The following PRSS22 variants were observed in gnomAD, a reference collection of about 807,000 sequenced individuals.
The protein encoded by PRSS22 is brain-specific serine protease 4.
Under a neutral mutation model 28.0 loss-of-function variants are expected in PRSS22, and 26 were observed. That is an observed-to-expected ratio of 0.93 (90% CI 0.68 to 1.29). The LOEUF is 1.29. Among genes scored for constraint, PRSS22 ranks in the 50% most tolerant of loss-of-function variants. The probability of loss-of-function intolerance (pLI) is 0.00; values close to 1 mark genes in which losing one functional copy is unlikely to be tolerated. For missense variants in PRSS22, 444 were observed against 422.1 expected, an observed-to-expected ratio of 1.05 and a Z score of -0.46; for synonymous variants, 217 against 177.9, an observed-to-expected ratio of 1.22 and a Z score of -1.75.
chr16:2,852,908 G>A lies in PRSS22; in HGVS notation c.*185C>T, dbSNP rs2069417039. 1 of 573,806 alleles carries A rather than the reference G, an allele frequency of 1.7e-6. No homozygotes were observed. The highest frequency in any genetic ancestry group is 2.2e-5 in the South Asian group (1 of 46,404). The allele number at this position is 573,806 out of a possible 1,614,324, so 35.5% of individuals were successfully genotyped here. On this transcript the variant is annotated 3_prime_UTR_variant, in exon 6 of 6. Transcript: ENST00000161006. Reference sequence around the variant, plus strand: ...GGGCGGGGCCTGATGCCTTGGAGGCGGGGCCTGAGGCCGTCGGGCGGGTCG... The same window carrying A: ...GGGCGGGGCCTGATGCCTTGGAGGCAGGGCCTGAGGCCGTCGGGCGGGTCG...
At position 2,854,037 on chromosome 16, in the gene PRSS22, G is replaced by A. The variant is rs540599572; in HGVS notation, c.560-15C>T. ...GGGCAAGGGAACTGGGAGGAAAGAG[G>A]ACAGAATCAGGTTTGGGGGTCTCCC... is the stretch of plus-strand genomic sequence containing the variant. On this transcript the variant is annotated splice_polypyrimidine_tract_variant and intron_variant, in intron 4 of 5. Transcript: ENST00000161006. 41 of 1,614,042 alleles carry A rather than the reference G, an allele frequency of 2.5e-5. 3 individuals carry two copies. The South Asian group carries it at 3.6e-4, about 14-fold the overall frequency.
rs1303026628 is a variant in PRSS22, at chr16:2,853,161, C to T, written c.886G>A (p.Gly296Arg). 1 of 1,598,884 alleles carries T rather than the reference C, an allele frequency of 6.3e-7. No homozygotes were observed. The highest frequency in any genetic ancestry group is 1.7e-5 in the Admixed American group (1 of 59,976). Residue 296 changes from glycine (G) to arginine (R), a missense_variant, in exon 6 of 6, where the codon GGG becomes AGG. Physicochemically the swap from Gly to Arg is moderately radical, Grantham distance 125. Coordinates refer to ENST00000161006, the MANE Select transcript of PRSS22 (RefSeq NM_022119.4). The surrounding 1 kb of genome is among the most constrained non-coding windows in gnomAD (Gnocchi z 4.6). ...AGGGCCCCACCCCCCTGAGCGCGCC[C>T]GCGGAGCTGCACCCCTTGCACGATC... ...EKIVQGVQLR[G>R]RAQGGGALRA...
At chr16:2,855,926 G>A in intron 3 of PRSS22, 75 bp from the exon 4 acceptor site, 1 of 1,527,148 alleles carries the variant, frequency 6.5e-7, no homozygotes, top group Non-Finnish European at 8.8e-7. Context: ...GCATGGGTGT[G>A]AAGGCCCCTG....
At chr16:2,855,498 G>A in intron 4 of PRSS22, 76 bp downstream of exon 4, 1 of 1,529,598 alleles carries the variant, frequency 6.5e-7, no homozygotes. Flanking sequence ...GTTGCTCATG[G>A]TGTCTGTGTC....
At chr16:2,854,238 A>C in intron 4 of PRSS22, 1 of 546,076 alleles carries the variant, frequency 1.8e-6, no homozygotes, top group Non-Finnish European at 3.2e-6. Context: ...GAAACCTAAG[A>C]CCCTACCTCT....
At position 2,854,053 on chromosome 16, in the gene PRSS22, G is replaced by A. The variant is rs777856356; in HGVS notation, c.560-31C>T. 9.3e-6 allele frequency: 15 copies of A among 1,613,424 alleles called. 1 individual carries two copies. In the South Asian group the frequency reaches 1.4e-4, roughly 15 times the overall value. On this transcript the variant is annotated intron_variant, in intron 4 of 5. Transcript: ENST00000161006. ...AGGAAAGAGGACAGAATCAGGTTTG[G>A]GGGTCTCCCCTCCTCGTTGCCTCCT...
Position 2,853,927 on chromosome 16 carries a change from C to T in PRSS22, c.655G>A (p.Gly219Arg), listed in dbSNP as rs781058469. 2 of 1,614,208 alleles carry T rather than the reference C, an allele frequency of 1.2e-6. No individual in the cohort carries two copies. Among genetic ancestry groups the T allele is most frequent in the Non-Finnish European group, 1.7e-6 (2 of 1,180,038 alleles). The change falls in exon 5 of 6, where the codon GGA (glycine) becomes AGA (arginine). Residue 219 changes from glycine to arginine, a missense_variant. Physicochemically the swap from Gly to Arg is moderately radical, Grantham distance 125. Coordinates refer to ENST00000161006, the MANE Select transcript of PRSS22 (RefSeq NM_022119.4). The surrounding 1 kb of genome is among the most constrained non-coding windows in gnomAD (Gnocchi z 4.6). The stretch of plus-strand genomic sequence containing the variant: ...CACAGCATGTCCTCAGTGATGGGTC[C>T]CTGTCCTGCTCCCCGCCAGTACAGA... The part of the protein sequence containing the change: ...SHLYWRGAGQ[G>R]PITEDMLCAG...
In PRSS22 at chr16:2,856,136, G is replaced by A. The variant is rs367543461; in HGVS notation, c.227C>T (p.Ala76Val). The change falls in exon 3 of 6, where the codon GCA becomes GTA. Residue 76 changes from alanine to valine, a missense_variant. Physicochemically the swap from Ala to Val is moderately conservative, Grantham distance 64. Coordinates refer to ENST00000161006, the MANE Select transcript of PRSS22 (RefSeq NM_022119.4). ...CCAGCGGCTGGTGAGCAGAGAACCT[G>A]CGCAGTGGTGGGTCCCATTCTTCTG... The part of the protein sequence containing the change: ...SIQKNGTHHC[A>V]GSLLTSRWVI... 6.2e-7 allele frequency: 1 copy of A among 1,613,824 alleles called. No individual in the cohort carries two copies. The highest frequency in any genetic ancestry group is 1.3e-5 in the African/African-American group (1 of 74,854).
In PRSS22 at chr16:2,853,433, G is replaced by T; in HGVS notation, c.718-104C>A. The T allele has an allele frequency of 1.1e-6, 1 of 941,240 alleles. No homozygotes were observed. Among genetic ancestry groups the T allele is most frequent in the Non-Finnish European group, 1.6e-6 (1 of 637,852 alleles). 58.3% of individuals were successfully genotyped at this position (941,240 alleles called of 1,614,324 possible). A position where few individuals can be genotyped will look rare whatever the true frequency, so the allele number is the denominator to read the frequency against. On this transcript the variant is annotated intron_variant, in intron 5 of 5. Transcript: ENST00000161006. This position sits in a 1 kb window ranked among gnomAD's most constrained non-coding sequence, Gnocchi z 4.6. ...CAGATGAGCCCCTTCCCGGGAGCCC[G>T]TTTCTCCTTCCTGGAGGAGACAGGA...
Position 2,857,099 on chromosome 16 carries a change from C to T in PRSS22, c.83-251G>A, listed in dbSNP as rs1274712088. The T allele has an allele frequency of 6.8e-5, 39 of 571,004 alleles. No individual in the cohort carries two copies. The East Asian group carries it at 1.2e-3, about 17-fold the overall frequency. The allele number at this position is 571,004 out of a possible 1,614,324, so 35.4% of individuals were successfully genotyped here. On this transcript the variant is annotated intron_variant, in intron 1 of 5. Coordinates refer to ENST00000161006, the MANE Select transcript of PRSS22 (RefSeq NM_022119.4). ...GGTCCCAGTACCCAGTGAGGAGGGT[C>T]CCTCAGCGCCCAGCGAGAAGCCCCC... is the stretch of plus-strand genomic sequence containing the variant.
intron 4 of PRSS22, chr16:2,854,277 G>C (rs370912814): frequency 2.2e-6 from 1 of 454,656 alleles, no homozygotes; most frequent in Non-Finnish European, 4.0e-6. Flanking sequence ...TCCACAGATG[G>C]TTAGAGCCCT....
In PRSS22 at chr16:2,853,447, G is replaced by A; in HGVS notation, c.718-118C>T. 1 of 810,130 alleles carries A rather than the reference G, an allele frequency of 1.2e-6. No individual in the cohort carries two copies. The highest frequency in any genetic ancestry group is 1.9e-6 in the Non-Finnish European group (1 of 521,348). The allele number at this position is 810,130 out of a possible 1,614,324, so 50.2% of individuals were successfully genotyped here. A position where few individuals can be genotyped will look rare whatever the true frequency, so the allele number is the denominator to read the frequency against. Reference sequence around the variant, plus strand: ...CCCGGGAGCCCGTTTCTCCTTCCTGGAGGAGACAGGACCTGAGCTCCACCC... The same window carrying A: ...CCCGGGAGCCCGTTTCTCCTTCCTGAAGGAGACAGGACCTGAGCTCCACCC... On this transcript the variant is annotated intron_variant, in intron 5 of 5. Coordinates refer to ENST00000161006, the MANE Select transcript of PRSS22 (RefSeq NM_022119.4). The surrounding 1 kb of genome is among the most constrained non-coding windows in gnomAD (Gnocchi z 4.6).
At chr16:2,857,977 A>C in intron 1 of PRSS22, 46 bp downstream of exon 1, 2 of 1,233,102 alleles carry the variant, frequency 1.6e-6, no homozygotes, top group Admixed American at 4.1e-5. Context: ...GGAGGGAAGG[A>C]GGGTGGAGGT....
chr16:2,854,108 CTCTCAGCAGCGG>C, intron 4 of PRSS22, 86 bp from the exon 5 acceptor site: 2 of 1,468,302 alleles, frequency 1.4e-6, no homozygotes, highest in Non-Finnish European at 1.9e-6. Context: ...AACACCATTC[CTCTCAGCAGCGG>C]TTCTCAAAGG....
In PRSS22 at chr16:2,853,070, C is replaced by G. The variant is rs1198334841; in HGVS notation, c.*23G>C. The G allele has an allele frequency of 6.7e-7, 1 of 1,487,590 alleles. No homozygotes were observed. The highest frequency in any genetic ancestry group is 1.2e-5 in the South Asian group (1 of 82,442). The allele number at this position is 1,487,590 out of a possible 1,614,324, so 92.1% of individuals were successfully genotyped here. A position where few individuals can be genotyped will look rare whatever the true frequency, so the allele number is the denominator to read the frequency against. On this transcript the variant is annotated 3_prime_UTR_variant, in exon 6 of 6. Coordinates refer to ENST00000161006, the MANE Select transcript of PRSS22 (RefSeq NM_022119.4). The surrounding 1 kb of genome is among the most constrained non-coding windows in gnomAD (Gnocchi z 4.6). ...TGTGGATCTGGCCGCCTTTCAGATCCGAGCCCCGCGTCCCGCTGCGCCCTA... is the reference window on the plus strand; with the variant it reads ...TGTGGATCTGGCCGCCTTTCAGATCGGAGCCCCGCGTCCCGCTGCGCCCTA...
chr16:2,856,029 G>T, intron 3 of PRSS22, 53 bp downstream of exon 3: 1 of 1,586,414 alleles, frequency 6.3e-7, no homozygotes, highest in Non-Finnish European at 8.6e-7. Context: ...AGGGCCTGGG[G>T]CACAAAGCCC....
chr16:2,857,695 G>T (rs2069475337), intron 1 of PRSS22: 2 of 221,988 alleles, frequency 9.0e-6, no homozygotes, highest in Admixed American at 5.8e-5. Flanking sequence ...GACCTCCTGC[G>T]GCAGGAACAA....
At chr16:2,854,632 A>C (rs2069438389) in intron 4 of PRSS22, among the ~76,000 whole-genome samples, 1 of 150,668 alleles carries the variant, frequency 6.6e-6, no homozygotes, top group Non-Finnish European at 1.5e-5. Context: ...TCTCTTTCAA[A>C]CTCTTTCTTC....
intron 1 of PRSS22, chr16:2,857,095 G>A (rs2069465755): frequency 3.4e-6 from 2 of 596,620 alleles, no homozygotes; most frequent in Non-Finnish European, 5.9e-6. Flanking sequence ...CCAGTGAGGA[G>A]GGTCCCTCAG....
Sources: allele counts gnomAD v4.1 joint callset (sites outside exome capture counted in the v4.1 genomes callset), GRCh38; gene constraint gnomAD v4.1.1; non-coding constraint Gnocchi (gnomAD v3.1); transcripts MANE v1.5; gene names NCBI Gene and HGNC (gene_info 2026-07-23, HGNC 2026-07-21).